Variants in ZFHX3 observed in about 807,000 individuals in gnomAD.
ZFHX3 encodes the protein zinc finger homeobox protein 3.
ZFHX3 carries 42 observed loss-of-function variants against 279.1 expected under a neutral mutation model. The ratio of observed to expected loss-of-function variants is 0.15; its 90% CI spans 0.12 to 0.19. The LOEUF (loss-of-function observed/expected upper bound fraction) is 0.19, where lower values mean the gene tolerates loss of function less well. ZFHX3 is among the 10% of genes least tolerant of loss of function. ZFHX3 has a pLI of 1.00. For synonymous variants in ZFHX3, 2,293 were observed against 1,957.8 expected (o/e 1.17, Z -4.52); for missense variants, 4,981 against 4,754.0 (o/e 1.05, Z -1.40).
chr16:73,675,241 G>A (rs944955611), intron 2 of ZFHX3, among the ~76,000 whole-genome samples: 2 of 152,062 alleles, frequency 1.3e-5, no homozygotes, highest in Non-Finnish European at 2.9e-5. Flanking sequence ...GGCATGGGAG[G>A]GGGACCAGGG....
chr16:73,308,234 T>C (rs1454088653), intron 4 of ZFHX3, among the ~76,000 whole-genome samples: 1 of 5,204 alleles, frequency 1.9e-4, no homozygotes, highest in Non-Finnish European at 6.2e-4. Flanking sequence ...CATATATATA[T>C]ATATATATAT....
chr16:73,626,103 G>A (rs969843623), intron 2 of ZFHX3, among the ~76,000 whole-genome samples: 22 of 152,214 alleles, frequency 1.4e-4, no homozygotes, highest in African/African-American at 4.3e-4. Flanking sequence ...TGATCCGCCC[G>A]CCTCGGCCTC....
At position 73,697,994 on chromosome 16, in the gene ZFHX3, T is replaced by C. The variant is rs144606789; in HGVS notation, c.-1607-17754A>G. Reference sequence around the variant, plus strand: ...GGGCTCCTTAAATCCAAGGTGAGTGTGGGGTATCTTTGTAGTGCCACAGCA... The same window carrying C: ...GGGCTCCTTAAATCCAAGGTGAGTGCGGGGTATCTTTGTAGTGCCACAGCA... On this transcript the variant is annotated intron_variant, in intron 1 of 17. Transcript: ENST00000641206. Among the ~76,000 whole-genome samples, 105 of 152,092 alleles carry C rather than the reference T, an allele frequency of 6.9e-4. 2 individuals are homozygous for C. The East Asian group carries it at 0.018, about 26-fold the overall frequency.
chr16:72,917,126 G>A (rs2039461318), intron 3 of ZFHX3, among the ~76,000 whole-genome samples: 1 of 152,100 alleles, frequency 6.6e-6, no homozygotes. Context: ...CTATAGTCCT[G>A]GCTATTCAGG....
chr16:73,510,453 T>G (rs1376029206), intron 2 of ZFHX3, among the ~76,000 whole-genome samples: 2 of 152,200 alleles, frequency 1.3e-5, no homozygotes, highest in African/African-American at 2.4e-5. Context: ...ATATGGACCA[T>G]AACTATAACA....
At chr16:73,700,879 G>C (rs114430071) in intron 1 of ZFHX3, among the ~76,000 whole-genome samples, 319 of 152,274 alleles carry the variant, frequency 2.1e-3, no homozygotes, top group African/African-American at 7.2e-3. Flanking sequence ...CAAAACACCA[G>C]CTGAATTGGC....
intron 6 of ZFHX3, among the ~76,000 whole-genome samples, chr16:73,143,122 TC>T (rs1362987081): frequency 7.9e-5 from 12 of 152,012 alleles, no homozygotes; most frequent in Non-Finnish European, 1.6e-4. Flanking sequence ...CAACCTTGTT[TC>T]CCCCCTTTCT....
intron 1 of ZFHX3, among the ~76,000 whole-genome samples, chr16:73,682,306 T>A (rs964337892): frequency 6.6e-6 from 1 of 152,150 alleles, no homozygotes; most frequent in African/African-American, 2.4e-5. Flanking sequence ...TTATATATAT[T>A]TTGACAATAA....
At chr16:73,870,015 A>G (rs1278535905) in intron 1 of ZFHX3, among the ~76,000 whole-genome samples, 1 of 152,180 alleles carries the variant, frequency 6.6e-6, no homozygotes, top group African/African-American at 2.4e-5. Flanking sequence ...TAGTTTAATA[A>G]AGCTTCTTGA....
At chr16:73,132,982 T>C (rs980872512) in intron 6 of ZFHX3, among the ~76,000 whole-genome samples, 1 of 152,040 alleles carries the variant, frequency 6.6e-6, no homozygotes, top group African/African-American at 2.4e-5. Flanking sequence ...CACCAAAGAG[T>C]GCTCTGAGTG....
chr16:73,287,602 G>C (rs1407120803), intron 4 of ZFHX3, among the ~76,000 whole-genome samples: 2 of 147,816 alleles, frequency 1.4e-5, no homozygotes, highest in African/African-American at 5.0e-5. Context: ...GTGGCTGTGT[G>C]GGTGTGTGGG....
intron 3 of ZFHX3, among the ~76,000 whole-genome samples, chr16:73,423,936 T>C (rs1401016152): frequency 6.6e-6 from 1 of 151,796 alleles, no homozygotes; most frequent in Non-Finnish European, 1.5e-5. Context: ...ATTGGGTCTC[T>C]GTGAGATGTT....
intron 2 of ZFHX3, among the ~76,000 whole-genome samples, chr16:73,496,419 T>C (rs570896651): frequency 1.6e-4 from 24 of 152,270 alleles, no homozygotes; most frequent in African/African-American, 5.8e-4. Flanking sequence ...TAATCTCAGC[T>C]ACTCTGGAGG....
intron 5 of ZFHX3, among the ~76,000 whole-genome samples, chr16:73,146,220 G>C (rs1189435367): frequency 6.6e-6 from 1 of 152,140 alleles, no homozygotes; most frequent in African/African-American, 2.4e-5. Context: ...ACAAGGTCAA[G>C]AGATTGAGAT....
chr16:73,585,217 A>T (rs549060223), intron 2 of ZFHX3, among the ~76,000 whole-genome samples: 250 of 152,328 alleles, frequency 1.6e-3, no homozygotes, highest in Non-Finnish European at 3.1e-3. Context: ...AGAGATCGAG[A>T]CTATCCTGGC....
intron 5 of ZFHX3, among the ~76,000 whole-genome samples, chr16:73,245,334 A>G (rs756924163): frequency 6.6e-6 from 1 of 152,036 alleles, no homozygotes; most frequent in Non-Finnish European, 1.5e-5. Context: ...CAGTTGTGTG[A>G]TCATAGCTCA....
At chr16:73,824,368 T>TTCCA (rs1960835916) in intron 1 of ZFHX3, among the ~76,000 whole-genome samples, 1 of 149,850 alleles carries the variant, frequency 6.7e-6, no homozygotes, top group Non-Finnish European at 1.5e-5. Flanking sequence ...TGTGTTTTCT[T>TTCCA]TCCAAATAAT....
intron 1 of ZFHX3, among the ~76,000 whole-genome samples, chr16:73,740,388 C>G (rs1304447371): frequency 6.6e-6 from 1 of 151,994 alleles, no homozygotes; most frequent in Non-Finnish European, 1.5e-5. Flanking sequence ...AAAAGAACAT[C>G]CTTTAAATTT....
chr16:72,933,217 G>T (rs986154977), intron 3 of ZFHX3, among the ~76,000 whole-genome samples: 1 of 152,114 alleles, frequency 6.6e-6, no homozygotes, highest in African/African-American at 2.4e-5. Flanking sequence ...AACCAGGTAT[G>T]TTACTACCTC....
Sources: gnomAD v4.1 joint callset for allele counts (sites outside exome capture counted in the v4.1 genomes callset) on GRCh38, gnomAD v4.1.1 for gene constraint, MANE v1.5 for transcripts, NCBI Gene and HGNC (gene_info 2026-07-23, HGNC 2026-07-21) for gene names.